The following ANKH variants were observed in gnomAD, a reference collection of about 807,000 sequenced individuals.
The protein encoded by ANKH is ANKH inorganic pyrophosphate transport regulator, also known as mineralization regulator ANKH.
In ANKH, 15 loss-of-function variants were observed where a neutral mutation model predicts 49.0. The observed-to-expected ratio is 0.31, with a 90% CI of 0.20 to 0.47. The LOEUF is 0.47. Ranked by LOEUF, ANKH falls within the 20% of genes least tolerant of loss-of-function variation. The pLI is 1.00. For missense variants in ANKH, 429 were observed against 652.0 expected, an observed-to-expected ratio of 0.66 and a Z score of 3.72; for synonymous variants, 273 against 260.0, an observed-to-expected ratio of 1.05 and a Z score of -0.48.
intron 1 of ANKH, among the ~76,000 whole-genome samples, chr5:14,817,133 T>C (rs1431013628): frequency 6.6e-6 from 1 of 152,192 alleles, no homozygotes; most frequent in African/African-American, 2.4e-5. Context: ...GGATGTATTG[T>C]GCAAGAGTCT....
chr5:14,791,376 G>T (rs1740161108), intron 1 of ANKH, among the ~76,000 whole-genome samples: 1 of 152,086 alleles, frequency 6.6e-6, no homozygotes, highest in Non-Finnish European at 1.5e-5. Context: ...GTAGTTGCTT[G>T]GTGATTTCCA....
intron 8 of ANKH, among the ~76,000 whole-genome samples, chr5:14,732,532 A>T (rs966365937): frequency 2.6e-5 from 4 of 152,148 alleles, no homozygotes; most frequent in Non-Finnish European, 5.9e-5. Flanking sequence ...TTGGCATAAA[A>T]TATACCCCTA....
chr5:14,729,088 C>T (rs1737913394), intron 8 of ANKH, among the ~76,000 whole-genome samples: 1 of 152,040 alleles, frequency 6.6e-6, no homozygotes, highest in Non-Finnish European at 1.5e-5. Context: ...CAGTCTTGCT[C>T]TGTCAGCCAG....
At chr5:14,724,528 G>C (rs1286016856) in intron 8 of ANKH, 1 of 984,860 alleles carries the variant, frequency 1.0e-6, no homozygotes, top group Non-Finnish European at 1.2e-6. Flanking sequence ...GAAATCGCCA[G>C]CTTTACAGAC....
chr5:14,823,179 G>A (rs747652837), intron 1 of ANKH, among the ~76,000 whole-genome samples: 99 of 152,184 alleles, frequency 6.5e-4, no homozygotes, highest in Non-Finnish European at 1.2e-3. Flanking sequence ...AATGGGAAAA[G>A]TGTGAACTTC....
intron 7 of ANKH, among the ~76,000 whole-genome samples, chr5:14,744,198 T>A (rs1738454945): frequency 1.3e-5 from 2 of 152,214 alleles, no homozygotes; most frequent in South Asian, 4.1e-4. Flanking sequence ...GCCTTCTGAG[T>A]CCACTCTCAA....
chr5:14,859,566 A>T (rs781453863), intron 1 of ANKH, among the ~76,000 whole-genome samples: 1 of 152,232 alleles, frequency 6.6e-6, no homozygotes, highest in South Asian at 2.1e-4. Context: ...ATATTTTGCA[A>T]TAAGAAAGAA....
chr5:14,705,357 T>C lies in ANKH; in HGVS notation c.*5840A>G, dbSNP rs1736908711. On this transcript the variant is annotated 3_prime_UTR_variant, in exon 12 of 12. Transcript: ENST00000284268. The stretch of plus-strand genomic sequence containing the variant: ...AGAATGAGGTGATTTTATTCTTCCA[T>C]TGTAGGATCTCATACGACGTTCTAA... 6.6e-6 allele frequency: 1 copy of C among 152,172 alleles called. No homozygotes were observed. The highest frequency in any genetic ancestry group is 2.1e-4 in the South Asian group (1 of 4,828). 9.4% of individuals were successfully genotyped at this position (152,172 alleles called of 1,614,324 possible).
rs1236038371 is a variant in ANKH, at chr5:14,707,316, C to T, written c.*3881G>A. 1 of 151,426 alleles carries T rather than the reference C, an allele frequency of 6.6e-6. No homozygotes were observed. The highest frequency in any genetic ancestry group is 6.6e-5 in the Admixed American group (1 of 15,218). 9.4% of individuals were successfully genotyped at this position (151,426 alleles called of 1,614,324 possible). A position where few individuals can be genotyped will look rare whatever the true frequency, so the allele number is the denominator to read the frequency against. Reference sequence around the variant, plus strand: ...AGGGGGAAAAAAAAAAACCAGTCAGCTACTGAGTCTTCAAATCGATGTGTT... The same window carrying T: ...AGGGGGAAAAAAAAAAACCAGTCAGTTACTGAGTCTTCAAATCGATGTGTT... On this transcript the variant is annotated 3_prime_UTR_variant, in exon 12 of 12. Transcript: ENST00000284268.
chr5:14,816,240 G>A (rs915116986), intron 1 of ANKH, among the ~76,000 whole-genome samples: 1 of 152,204 alleles, frequency 6.6e-6, no homozygotes, highest in Non-Finnish European at 1.5e-5. Context: ...CAGGACACCT[G>A]AGCATCACCT....
intron 1 of ANKH, among the ~76,000 whole-genome samples, chr5:14,836,813 C>A (rs1423668673): frequency 6.6e-6 from 1 of 152,178 alleles, no homozygotes; most frequent in East Asian, 1.9e-4. Context: ...ATTGCCAAGA[C>A]AATCCTAAGC....
At chr5:14,786,131 C>T (rs910689776) in intron 1 of ANKH, among the ~76,000 whole-genome samples, 18 of 150,676 alleles carry the variant, frequency 1.2e-4, no homozygotes, top group Non-Finnish European at 2.4e-4. Context: ...TTTGATGGCA[C>T]ATTCTTGGGT....
rs560334124 is a variant in ANKH at position 14,858,541 on chromosome 5, C to T, written c.96+12811G>A. On this transcript the variant is annotated intron_variant, in intron 1 of 11. Coordinates refer to ENST00000284268, the MANE Select transcript of ANKH (RefSeq NM_054027.6). ...GATAAGCCTGGCCAGCATGGCGAAA[C>T]CCCGTCTCTACTAAAAATACAAAAA... Among the ~76,000 whole-genome samples the T allele has an allele frequency of 2.6e-5, 4 of 152,178 alleles. No individual in the cohort carries two copies. In the South Asian group the frequency reaches 8.3e-4, roughly 31 times the overall value.
intron 8 of ANKH, among the ~76,000 whole-genome samples, chr5:14,731,731 A>C (rs970022750): frequency 7.2e-5 from 11 of 152,252 alleles, no homozygotes; most frequent in African/African-American, 2.7e-4. Flanking sequence ...ACTGGAGCTT[A>C]TGGGTCTCAT....
intron 2 of ANKH, among the ~76,000 whole-genome samples, chr5:14,760,845 G>A (rs1739051526): frequency 6.6e-6 from 1 of 152,260 alleles, no homozygotes; most frequent in Admixed American, 6.5e-5. Context: ...TATGGAATTG[G>A]TGAAAGGGCA....
At chr5:14,789,499 A>C (rs1417829972) in intron 1 of ANKH, among the ~76,000 whole-genome samples, 1 of 151,262 alleles carries the variant, frequency 6.6e-6, no homozygotes, top group Non-Finnish European at 1.5e-5. Context: ...AGCTGTGTCT[A>C]TCTAGAAATT....
rs373769982 is a variant in ANKH, at chr5:14,713,697, C to T, written c.1142-30G>A. 36 of 1,612,400 alleles carry T rather than the reference C, an allele frequency of 2.2e-5. No individual in the cohort carries two copies. Among genetic ancestry groups the T allele is most frequent in the African/African-American group, 1.5e-4 (11 of 74,976 alleles). ...TGGGAGGAGCAAAGGACTCGTCAGC[C>T]GTGCCCGCCATCCACTCCCCATCCT... is the stretch of plus-strand genomic sequence containing the variant. On this transcript the variant is annotated intron_variant, in intron 9 of 11. Transcript: ENST00000284268. This position sits in a 1 kb window ranked among gnomAD's most constrained non-coding sequence, Gnocchi z 4.4.
rs932336925 is a variant in ANKH at position 14,708,097 on chromosome 5, T to C, written c.*3100A>G. 1.3e-5 allele frequency: 2 copies of C among 152,222 alleles called. No homozygotes were observed. The highest frequency in any genetic ancestry group is 2.1e-4 in the South Asian group (1 of 4,832). The allele number at this position is 152,222 out of a possible 1,614,324, so 9.4% of individuals were successfully genotyped here. A position where few individuals can be genotyped will look rare whatever the true frequency, so the allele number is the denominator to read the frequency against. On this transcript the variant is annotated 3_prime_UTR_variant, in exon 12 of 12. Coordinates refer to ENST00000284268, the MANE Select transcript of ANKH (RefSeq NM_054027.6). Reference sequence around the variant, plus strand: ...CGTCTAGTTCTTTTTGCTCAGTTGTTGTCTCACTGACGCCCTTTGCCACTG... The same window carrying C: ...CGTCTAGTTCTTTTTGCTCAGTTGTCGTCTCACTGACGCCCTTTGCCACTG...
chr5:14,838,550 G>A (rs537067549), intron 1 of ANKH, among the ~76,000 whole-genome samples: 7 of 152,254 alleles, frequency 4.6e-5, no homozygotes, highest in Admixed American at 2.6e-4. Flanking sequence ...GGCCTGAAGC[G>A]GCAAAACCCT....
Sources: gnomAD v4.1 joint callset for allele counts (sites outside exome capture counted in the v4.1 genomes callset) on GRCh38, gnomAD v4.1.1 for gene constraint, Gnocchi (gnomAD v3.1) non-coding constraint, MANE v1.5 for transcripts, NCBI Gene and HGNC (gene_info 2026-07-23, HGNC 2026-07-21) for gene names.